The following PPIL2 variants were observed in gnomAD, a reference collection of about 807,000 sequenced individuals.
PPIL2 encodes the protein peptidylprolyl isomerase like 2.
In PPIL2, 50 loss-of-function variants were observed where a neutral mutation model predicts 75.2. That is an observed-to-expected ratio of 0.66 (90% CI 0.53 to 0.84). The LOEUF is 0.84. PPIL2 is among the 40% of genes least tolerant of loss of function. PPIL2 has a pLI of 0.00. For missense variants in PPIL2, 590 were observed against 685.0 expected, an observed-to-expected ratio of 0.86 and a Z score of 1.55; for synonymous variants, 245 against 258.8, an observed-to-expected ratio of 0.95 and a Z score of 0.51.
Position 21,686,895 on chromosome 22 carries a change from C to A in PPIL2, c.794C>A (p.Ala265Asp). ...GAGCTGGGACCTTGGCTTGTAGCTG[C>A]CATCGACGAGGATGTGCTGCGCTAC... is the stretch of plus-strand genomic sequence containing the variant. ...MVPETTHEAA[A>D]IDEDVLRYQF... The change falls in exon 12 of 20, where the codon GCC becomes GAC. Residue 265 changes from alanine (A) to aspartate (D), a missense_variant. Ala to Asp is a moderately radical substitution (Grantham distance 126). Transcript: ENST00000398831. 6.2e-7 allele frequency: 1 copy of A among 1,613,904 alleles called. No homozygotes were observed. Among genetic ancestry groups the A allele is most frequent in the Non-Finnish European group, 8.5e-7 (1 of 1,179,972 alleles).
intron 15 of PPIL2, among the ~76,000 whole-genome samples, chr22:21,690,341 G>A (rs375726487): frequency 1.6e-4 from 24 of 151,528 alleles, no homozygotes; most frequent in East Asian, 1.4e-3. Context: ...CTAGGATCGC[G>A]CCACTGCACT....
At chr22:21,671,099 T>A in intron 4 of PPIL2, 40 bp downstream of exon 4, 2 of 1,564,402 alleles carry the variant, frequency 1.3e-6, no homozygotes, top group Non-Finnish European at 8.8e-7. Flanking sequence ...AAATGTGAGA[T>A]TCTCAACACC....
At chr22:21,673,254 G>C (rs2066705548) in intron 5 of PPIL2, among the ~76,000 whole-genome samples, 1 of 152,216 alleles carries the variant, frequency 6.6e-6, no homozygotes. Context: ...AGCCACATTG[G>C]ATCCCAGGGG....
chr22:21,696,445 C>T lies in PPIL2; in HGVS notation c.*955C>T. Reference sequence around the variant, plus strand: ...GCCACTGGGCTCCAAGACTCTGCTCCTCCTGTCAGTCACTGACTCTGATGG... The same window carrying T: ...GCCACTGGGCTCCAAGACTCTGCTCTTCCTGTCAGTCACTGACTCTGATGG... On this transcript the variant is annotated 3_prime_UTR_variant, in exon 20 of 20. Coordinates refer to ENST00000398831, the MANE Select transcript of PPIL2 (RefSeq NM_014337.4). 3 of 1,196,104 alleles carry T rather than the reference C, an allele frequency of 2.5e-6. No individual in the cohort carries two copies. The highest frequency in any genetic ancestry group is 3.2e-6 in the Non-Finnish European group (3 of 951,246). The allele number at this position is 1,196,104 out of a possible 1,614,324, so 74.1% of individuals were successfully genotyped here.
intron 1 of PPIL2, among the ~76,000 whole-genome samples, chr22:21,668,334 A>T (rs1474081139): frequency 1.3e-5 from 2 of 151,694 alleles, no homozygotes; most frequent in African/African-American, 4.8e-5. Flanking sequence ...GTTGAAATAG[A>T]GATCATAAGG....
chr22:21,696,337 G>A lies in PPIL2; in HGVS notation c.*847G>A, dbSNP rs1383334115. On this transcript the variant is annotated 3_prime_UTR_variant, in exon 20 of 20. Transcript: ENST00000398831. ...CTTGAGGGGACCCACACTGGGTTGA[G>A]GCCAGTGTCTCCTGCTGTGAGAACA... The A allele has an allele frequency of 3.6e-6, 4 of 1,111,008 alleles. No homozygotes were observed. The highest frequency in any genetic ancestry group is 4.4e-6 in the Non-Finnish European group (4 of 904,914). The allele number at this position is 1,111,008 out of a possible 1,614,324, so 68.8% of individuals were successfully genotyped here. A position where few individuals can be genotyped will look rare whatever the true frequency, so the allele number is the denominator to read the frequency against.
intron 4 of PPIL2, 105 bp downstream of exon 4, chr22:21,671,164 G>A: frequency 1.1e-5 from 12 of 1,141,742 alleles, no homozygotes; most frequent in Non-Finnish European, 1.6e-5. Flanking sequence ...GCACACAGAA[G>A]TAACAGCTAG....
intron 17 of PPIL2, 38 bp from the exon 18 acceptor site, chr22:21,694,717 G>A: frequency 1.9e-6 from 3 of 1,612,322 alleles, no homozygotes; most frequent in Non-Finnish European, 1.7e-6. Context: ...GCAGGCAGGG[G>A]GAGGACCTGC....
intron 1 of PPIL2, chr22:21,669,429 G>A (rs1383140596): frequency 2.3e-6 from 1 of 434,160 alleles, no homozygotes; most frequent in East Asian, 7.2e-5. Flanking sequence ...GATTATAGGT[G>A]TGAGCCACTG....
At chr22:21,688,218 G>A in intron 14 of PPIL2, 112 bp downstream of exon 14, 1 of 1,381,898 alleles carries the variant, frequency 7.2e-7, no homozygotes, top group South Asian at 1.2e-5. Context: ...GCTAGACCAG[G>A]GTGGAACGAC....
Position 21,682,532 on chromosome 22 carries a change from T to C in PPIL2, c.477+6T>C, listed in dbSNP as rs1445001445. On this transcript the variant is annotated splice_donor_region_variant and intron_variant, in intron 8 of 19. Coordinates refer to ENST00000398831, the MANE Select transcript of PPIL2 (RefSeq NM_014337.4). ...AGGACATCATCACCCTCCAGGTGAG[T>C]GTCCCCTGCCTGCCTGCCCCAGCTG... 1.9e-6 allele frequency: 3 copies of C among 1,564,784 alleles called. No individual in the cohort carries two copies. In the African/African-American group the frequency reaches 4.5e-5, roughly 23 times the overall value.
In PPIL2 at chr22:21,666,227, C is replaced by G. The variant is rs1208523234; in HGVS notation, c.32+96C>G. The G allele has an allele frequency of 2.9e-5, 40 of 1,392,666 alleles. No individual in the cohort carries two copies. The East Asian group carries it at 8.6e-4, about 30-fold the overall frequency. The allele number at this position is 1,392,666 out of a possible 1,614,324, so 86.3% of individuals were successfully genotyped here. A position where few individuals can be genotyped will look rare whatever the true frequency, so the allele number is the denominator to read the frequency against. Reference sequence around the variant, plus strand: ...CGCTCGCCTTCCCTCTCAGCTACTCCCCAGAGCACAGCCCAAAGGTCACTT... The same window carrying G: ...CGCTCGCCTTCCCTCTCAGCTACTCGCCAGAGCACAGCCCAAAGGTCACTT... On this transcript the variant is annotated intron_variant, in intron 1 of 19. Transcript: ENST00000398831.
intron 12 of PPIL2, 70 bp downstream of exon 12, chr22:21,687,068 A>AG: frequency 1.4e-6 from 2 of 1,396,916 alleles, no homozygotes; most frequent in Non-Finnish European, 2.0e-6. Context: ...CCATGTCTTA[A>AG]ATATAGGGCT....
chr22:21,688,988 G>T, intron 15 of PPIL2, 139 bp downstream of exon 15: 1 of 795,842 alleles, frequency 1.3e-6, no homozygotes, highest in Admixed American at 2.5e-5. Context: ...GGCCAAGCAT[G>T]TGCACCTGCG....
chr22:21,688,924 C>T, intron 15 of PPIL2, 75 bp downstream of exon 15: 1 of 1,345,880 alleles, frequency 7.4e-7, no homozygotes, highest in African/African-American at 1.4e-5. Flanking sequence ...TCTTGGCCCT[C>T]TCTGAAGGGT....
chr22:21,696,661 C>T lies in PPIL2; in HGVS notation c.*1171C>T, dbSNP rs573429795. On this transcript the variant is annotated 3_prime_UTR_variant, in exon 20 of 20. Transcript: ENST00000398831. ...TCCCTGTTGCCCTCAGGCCACCCCC[C>T]ACTTCTAGTTCTTCACACTAAGCCC... 1.5e-3 allele frequency: 2,306 copies of T among 1,527,636 alleles called. 3 individuals carry two copies. Among genetic ancestry groups the T allele is most frequent in the Non-Finnish European group, 1.9e-3 (2,197 of 1,142,326 alleles). 94.6% of individuals were successfully genotyped at this position (1,527,636 alleles called of 1,614,324 possible). A position where few individuals can be genotyped will look rare whatever the true frequency, so the allele number is the denominator to read the frequency against.
At chr22:21,693,997 G>C (rs2067798741) in intron 16 of PPIL2, 125 bp downstream of exon 16, 2 of 1,069,216 alleles carry the variant, frequency 1.9e-6, no homozygotes, top group South Asian at 2.7e-5. Flanking sequence ...CATCACTGCT[G>C]GGGGTTGAGG....
chr22:21,672,606 C>T (rs567203115), intron 5 of PPIL2, among the ~76,000 whole-genome samples: 84 of 152,306 alleles, frequency 5.5e-4, no homozygotes, highest in African/African-American at 1.8e-3. Flanking sequence ...TGGGCCATAG[C>T]TGTGACCTCG....
At chr22:21,676,742 C>T (rs916991126) in intron 6 of PPIL2, among the ~76,000 whole-genome samples, 5 of 152,064 alleles carry the variant, frequency 3.3e-5, no homozygotes, top group African/African-American at 1.2e-4. Context: ...AAAATGGAGT[C>T]TCCTATGTCT....
Sources: gnomAD v4.1 joint callset for allele counts (sites outside exome capture counted in the v4.1 genomes callset) on GRCh38, gnomAD v4.1.1 for gene constraint, MANE v1.5 for transcripts, NCBI Gene and HGNC (gene_info 2026-07-23, HGNC 2026-07-21) for gene names.